ABCB1: variants seen among roughly 807,000 people sequenced by gnomAD.
ABCB1 encodes the protein ATP binding cassette subfamily B member 1.
In ABCB1, 69 loss-of-function variants were observed where a neutral mutation model predicts 142.0. The ratio of observed to expected loss-of-function variants is 0.49; its 90% CI spans 0.40 to 0.59. The LOEUF (loss-of-function observed/expected upper bound fraction) is 0.59, where lower values mean the gene tolerates loss of function less well. Among genes scored for constraint, ABCB1 ranks in the 20% least tolerant of loss-of-function variants. The probability of loss-of-function intolerance (pLI) is 0.00; values close to 1 mark genes in which losing one functional copy is unlikely to be tolerated. For missense variants in ABCB1, 1,326 were observed against 1,554.7 expected (o/e 0.85, Z 2.47); for synonymous variants, 532 against 539.2 (o/e 0.99, Z 0.18).
Position 87,503,354 on chromosome 7 carries a change from C to G in ABCB1, c.*889G>C, listed in dbSNP as rs1241225736. Among the ~76,000 whole-genome samples, 17 of 151,954 alleles carry G rather than the reference C, an allele frequency of 1.1e-4. No homozygotes were observed. On this transcript the variant is annotated 3_prime_UTR_variant, in exon 28 of 28. Coordinates refer to ENST00000622132, the MANE Select transcript of ABCB1 (RefSeq NM_001348946.2). ...TTTTCTTTTTTTATCATGTTTGTATCAAGATGTAGTTAAACTCATGGCACA... is the reference window on the plus strand; with the variant it reads ...TTTTCTTTTTTTATCATGTTTGTATGAAGATGTAGTTAAACTCATGGCACA...
At chr7:87,540,914 G>C (rs538924412) in intron 18 of ABCB1, among the ~76,000 whole-genome samples, 79 of 152,294 alleles carry the variant, frequency 5.2e-4, no homozygotes, top group Middle Eastern at 3.4e-3. Flanking sequence ...AACAAAAGTT[G>C]AACGATAAAC....
chr7:87,582,014 C>T (rs563288629), intron 4 of ABCB1, among the ~76,000 whole-genome samples: 119 of 152,210 alleles, frequency 7.8e-4, no homozygotes, highest in African/African-American at 2.8e-3. Context: ...GATGCTATTC[C>T]CTGCTTTCCA....
At chr7:87,626,215 CAT>C (rs1292971832) in intron 1 of ABCB1, among the ~76,000 whole-genome samples, 3 of 97,826 alleles carry the variant, frequency 3.1e-5, no homozygotes, top group East Asian at 6.2e-4. Flanking sequence ...ATATATGTGT[CAT>C]ATATATGTCA....
intron 1 of ABCB1, among the ~76,000 whole-genome samples, chr7:87,697,999 TAAAAG>T (rs1828647041): frequency 6.6e-6 from 1 of 152,188 alleles, no homozygotes; most frequent in Non-Finnish European, 1.5e-5. Flanking sequence ...AATTTTTAGT[TAAAAG>T]AAGAGAGGGA....
chr7:87,689,787 A>G, intron 1 of ABCB1, among the ~76,000 whole-genome samples: 1 of 152,146 alleles, frequency 6.6e-6, no homozygotes. Context: ...CTTTTCCTTA[A>G]GGTGAACAAT....
intron 21 of ABCB1, chr7:87,522,076 C>T (rs1563032993): frequency 5.1e-6 from 6 of 1,165,836 alleles, no homozygotes; most frequent in African/African-American, 1.5e-5. Context: ...TGGTGGTGGT[C>T]GTGGAGGTAG....
intron 1 of ABCB1, among the ~76,000 whole-genome samples, chr7:87,692,327 C>T (rs1274999976): frequency 3.3e-5 from 5 of 152,034 alleles, no homozygotes; most frequent in South Asian, 2.1e-4. Context: ...CCTGGTGGCA[C>T]GCACCTGTAG....
intron 26 of ABCB1, among the ~76,000 whole-genome samples, chr7:87,507,016 T>C (rs28401816): frequency 0.03 from 4,640 of 152,228 alleles, 220 homozygotes; most frequent in African/African-American, 0.1. Flanking sequence ...ACTCTTGATA[T>C]AGTACTGATC....
chr7:87,665,040 T>C (rs1254697219), intron 1 of ABCB1, among the ~76,000 whole-genome samples: 1 of 152,114 alleles, frequency 6.6e-6, no homozygotes, highest in Non-Finnish European at 1.5e-5. Flanking sequence ...ATCAAGAACA[T>C]GACAAGGGAA....
Position 87,549,939 on chromosome 7 carries a change from C to T in ABCB1, c.1466G>A (p.Arg489His), listed in dbSNP as rs750696034. ...CATGGTGACATTTTCACGGCCATAGCGAATGTTTTCAGCTATCGTGGTGGC... is the reference window on the plus strand; with the variant it reads ...CATGGTGACATTTTCACGGCCATAGTGAATGTTTTCAGCTATCGTGGTGGC... ...LFATTIAENI[R>H]YGRENVTMDE... The change falls in exon 13 of 28, where the codon CGC becomes CAC. Residue 489 changes from arginine (R) to histidine (H), a missense_variant. Arg to His is a conservative substitution (Grantham distance 29). Transcript: ENST00000622132. 1.2e-5 allele frequency: 20 copies of T among 1,614,186 alleles called. No individual in the cohort carries two copies. Among genetic ancestry groups the T allele is most frequent in the South Asian group, 3.3e-5 (3 of 91,080 alleles).
At chr7:87,569,664 A>G (rs888454107) in intron 5 of ABCB1, among the ~76,000 whole-genome samples, 1 of 152,122 alleles carries the variant, frequency 6.6e-6, no homozygotes, top group Non-Finnish European at 1.5e-5. Context: ...AGCCATTGAA[A>G]ATAATTATTC....
At chr7:87,560,308 A>G (rs1415273267) in intron 8 of ABCB1, among the ~76,000 whole-genome samples, 1 of 152,238 alleles carries the variant, frequency 6.6e-6, no homozygotes, top group African/African-American at 2.4e-5. Flanking sequence ...AATTATTCTC[A>G]GAAGACATAT....
intron 1 of ABCB1, among the ~76,000 whole-genome samples, chr7:87,627,017 G>A (rs1013432289): frequency 5.9e-5 from 9 of 152,002 alleles, no homozygotes; most frequent in African/African-American, 1.4e-4. Context: ...CTCGTGATCC[G>A]CCCGCCTCAG....
At chr7:87,572,583 T>C (rs766182404) in intron 4 of ABCB1, among the ~76,000 whole-genome samples, 12 of 152,156 alleles carry the variant, frequency 7.9e-5, no homozygotes, top group Non-Finnish European at 1.3e-4. Flanking sequence ...GTATAAATAA[T>C]TCTATTATAA....
In ABCB1 at chr7:87,679,471, C is replaced by A. The variant is rs776954020; in HGVS notation, c.-331+33690G>T. Among the ~76,000 whole-genome samples, 7 of 149,906 alleles carry A rather than the reference C, an allele frequency of 4.7e-5. 1 individual carries two copies. Among genetic ancestry groups the A allele is most frequent in the Non-Finnish European group, 1.0e-4 (7 of 67,752 alleles). On this transcript the variant is annotated intron_variant, in intron 1 of 28. Coordinates refer to the ABCB1 transcript ENST00000265724. ...TGGCACAATCATGGCTCACCACAGC[C>A]TCCACATCCCCAAGCTCAAATGATT... is the stretch of plus-strand genomic sequence containing the variant.
chr7:87,648,028 A>G (rs1823194454), intron 1 of ABCB1, among the ~76,000 whole-genome samples: 1 of 151,922 alleles, frequency 6.6e-6, no homozygotes, highest in Non-Finnish European at 1.5e-5. Flanking sequence ...ACTAAAAAAT[A>G]CAAAAAATTA....
chr7:87,642,661 A>G (rs1822569424), intron 1 of ABCB1, among the ~76,000 whole-genome samples: 1 of 151,974 alleles, frequency 6.6e-6, no homozygotes, highest in African/African-American at 2.4e-5. Context: ...TTGAAGTTCT[A>G]GGGTACATGT....
At chr7:87,532,576 G>T (rs928666375) in intron 20 of ABCB1, among the ~76,000 whole-genome samples, 2 of 152,074 alleles carry the variant, frequency 1.3e-5, no homozygotes, top group Non-Finnish European at 2.9e-5. Context: ...CCATGGCAAC[G>T]TTACCCTATA....
At chr7:87,513,077 C>T (rs1409017866) in intron 25 of ABCB1, among the ~76,000 whole-genome samples, 14 of 152,186 alleles carry the variant, frequency 9.2e-5, no homozygotes, top group Admixed American at 2.0e-4. Flanking sequence ...GGTAAGCTAA[C>T]GGCTTAACTC....
Sources: gnomAD v4.1 joint callset for allele counts (sites outside exome capture counted in the v4.1 genomes callset) on GRCh38, gnomAD v4.1.1 for gene constraint, MANE v1.5 for transcripts, NCBI Gene and HGNC (gene_info 2026-07-23, HGNC 2026-07-21) for gene names.